PRTFDC1: variants seen among roughly 807,000 people sequenced by gnomAD.
PRTFDC1 encodes the protein phosphoribosyl transferase domain containing 1.
A neutral mutation model predicts 34.6 loss-of-function variants in PRTFDC1; 38 were observed. The observed-to-expected ratio is 1.10, with a 90% CI of 0.85 to 1.44. The LOEUF (loss-of-function observed/expected upper bound fraction) is 1.44. PRTFDC1 is among the 40% of genes most tolerant of loss of function. The probability of loss-of-function intolerance (pLI) is 0.00; values close to 1 mark genes in which losing one functional copy is unlikely to be tolerated. For synonymous variants in PRTFDC1, 93 were observed against 98.1 expected (o/e 0.95, Z 0.31); for missense variants, 270 against 283.0 (o/e 0.95, Z 0.33).
intron 4 of PRTFDC1, among the ~76,000 whole-genome samples, chr10:24,870,013 G>T (rs1256122224): frequency 2.0e-5 from 3 of 152,168 alleles, no homozygotes; most frequent in Non-Finnish European, 2.9e-5. Context: ...CTGACTTCCT[G>T]GTTGGGGAGA....
chr10:24,915,181 T>A (rs1237762467), intron 3 of PRTFDC1, among the ~76,000 whole-genome samples: 1 of 152,188 alleles, frequency 6.6e-6, no homozygotes, highest in Non-Finnish European at 1.5e-5. Context: ...TTCAGTAACT[T>A]GGTATCAAAA....
intron 3 of PRTFDC1, among the ~76,000 whole-genome samples, chr10:24,886,986 C>T (rs188479981): frequency 0.03 from 2,568 of 84,772 alleles, 102 homozygotes; most frequent in African/African-American, 0.1. Flanking sequence ...TTTTTTGAGA[C>T]GGAGTCTCGC....
intron 3 of PRTFDC1, among the ~76,000 whole-genome samples, chr10:24,897,695 A>G (rs1179243921): frequency 6.6e-6 from 1 of 152,254 alleles, no homozygotes; most frequent in East Asian, 1.9e-4. Context: ...GGCCTATAAC[A>G]TCGAGAAACA....
rs778950357 is a variant in PRTFDC1, at chr10:24,937,176, T to C, written c.339+8A>G. The C allele has an allele frequency of 6.2e-7, 1 of 1,600,068 alleles. No individual in the cohort carries two copies. The highest frequency in any genetic ancestry group is 1.7e-5 in the Admixed American group (1 of 58,854). On this transcript the variant is annotated splice_region_variant and intron_variant, in intron 3 of 8. Coordinates refer to ENST00000320152, the MANE Select transcript of PRTFDC1 (RefSeq NM_020200.7). Reference sequence around the variant, plus strand: ...AAATGTCATAAAGCGGAACTTGTAATAACTTACCCTGTAACTTTTTAGTCT... The same window carrying C: ...AAATGTCATAAAGCGGAACTTGTAACAACTTACCCTGTAACTTTTTAGTCT...
Position 24,939,794 on chromosome 10 carries a change from A to C in PRTFDC1, c.156-2427T>G, listed in dbSNP as rs1849122271. ...GGGTGACAGAGTGAGACTCTATCTC[A>C]AAAAAAAAAAAAAAAAAAAAAGAAA... On this transcript the variant is annotated intron_variant, in intron 2 of 8. Transcript: ENST00000320152. Among the ~76,000 whole-genome samples the C allele has an allele frequency of 5.2e-4, 5 of 9,638 alleles. No individual in the cohort carries two copies. The South Asian group carries it at 0.014, about 27-fold the overall frequency. 6.3% of individuals were successfully genotyped at this position (9,638 alleles called of 152,430 possible).
intron 3 of PRTFDC1, among the ~76,000 whole-genome samples, chr10:24,922,441 G>A (rs1848805448): frequency 6.6e-6 from 1 of 152,222 alleles, no homozygotes; most frequent in Non-Finnish European, 1.5e-5. Context: ...TCATGGGAGG[G>A]ACCCTGTGGG....
At chr10:24,937,684 A>G (rs1405062343) in intron 2 of PRTFDC1, among the ~76,000 whole-genome samples, 2 of 151,622 alleles carry the variant, frequency 1.3e-5, no homozygotes, top group African/African-American at 4.8e-5. Context: ...CAGCCTCCCA[A>G]GTAGCTGGGA....
At chr10:24,867,401 C>T (rs1046538562) in intron 4 of PRTFDC1, among the ~76,000 whole-genome samples, 1 of 152,156 alleles carries the variant, frequency 6.6e-6, no homozygotes, top group Admixed American at 6.5e-5. Context: ...GCCATTCTTC[C>T]CTCTTGTCAG....
At chr10:24,871,645 TG>T (rs1242776203) in intron 4 of PRTFDC1, among the ~76,000 whole-genome samples, 20 of 134,054 alleles carry the variant, frequency 1.5e-4, no homozygotes, top group African/African-American at 4.9e-4. Context: ...AGAGGATGGA[TG>T]AAAAAAAAAA....
At chr10:24,866,690 T>C (rs901671991) in intron 4 of PRTFDC1, among the ~76,000 whole-genome samples, 9 of 152,084 alleles carry the variant, frequency 5.9e-5, no homozygotes, top group Non-Finnish European at 1.3e-4. Context: ...CCATTTAACT[T>C]AATCATTGAG....
At chr10:24,879,915 A>G (rs947168071) in intron 3 of PRTFDC1, among the ~76,000 whole-genome samples, 4 of 152,140 alleles carry the variant, frequency 2.6e-5, no homozygotes, top group African/African-American at 9.7e-5. Flanking sequence ...TCATGCTTGC[A>G]ATCTCTGTGG....
intron 3 of PRTFDC1, among the ~76,000 whole-genome samples, chr10:24,877,683 C>G (rs903263864): frequency 6.6e-6 from 1 of 152,100 alleles, no homozygotes; most frequent in Admixed American, 6.5e-5. Flanking sequence ...TGCAGTGGTA[C>G]AATTTCAGCT....
At chr10:24,863,892 G>A (rs183866307) in intron 4 of PRTFDC1, among the ~76,000 whole-genome samples, 165 of 151,766 alleles carry the variant, frequency 1.1e-3, no homozygotes, top group Non-Finnish European at 2.1e-3. Flanking sequence ...CCTGGGCAAC[G>A]TGGCAAAACC....
At chr10:24,868,679 A>G (rs1376931094) in intron 4 of PRTFDC1, among the ~76,000 whole-genome samples, 1 of 152,182 alleles carries the variant, frequency 6.6e-6, no homozygotes, top group African/African-American at 2.4e-5. Flanking sequence ...GCTGGTCTCA[A>G]ACTCCTGGCC....
chr10:24,950,412 G>A (rs1460646335), intron 1 of PRTFDC1, among the ~76,000 whole-genome samples: 2 of 152,080 alleles, frequency 1.3e-5, no homozygotes, highest in African/African-American at 4.8e-5. Context: ...TCAGCATCAT[G>A]TTGGTGCTCA....
rs141139570 is a variant in PRTFDC1, at chr10:24,879,733, G to A, written c.340-7670C>T. Among the ~76,000 whole-genome samples, 114 of 152,290 alleles carry A rather than the reference G, an allele frequency of 7.5e-4. No homozygotes were observed. The East Asian group carries it at 0.021, about 28-fold the overall frequency. Reference sequence around the variant, plus strand: ...AAAGTTTGAAAACTATTAAGTGGGTGCAAAAGTAACTGTCGTTTTTGCCTT... The same window carrying A: ...AAAGTTTGAAAACTATTAAGTGGGTACAAAAGTAACTGTCGTTTTTGCCTT... On this transcript the variant is annotated intron_variant, in intron 3 of 8. Transcript: ENST00000320152.
chr10:24,896,135 T>C (rs889452444), intron 3 of PRTFDC1, among the ~76,000 whole-genome samples: 3 of 152,126 alleles, frequency 2.0e-5, no homozygotes, highest in Non-Finnish European at 2.9e-5. Flanking sequence ...TGTGGATTGG[T>C]ACTGGTCTGT....
At chr10:24,900,983 T>C (rs1848440822) in intron 3 of PRTFDC1, among the ~76,000 whole-genome samples, 1 of 152,236 alleles carries the variant, frequency 6.6e-6, no homozygotes, top group Admixed American at 6.5e-5. Context: ...TGGGTCTGAA[T>C]ATGGAACCTG....
intron 5 of PRTFDC1, among the ~76,000 whole-genome samples, chr10:24,857,593 G>C (rs912667076): frequency 3.3e-5 from 5 of 152,176 alleles, no homozygotes; most frequent in African/African-American, 1.2e-4. Context: ...CTAAGGACAG[G>C]AATCAGCTGT....
Sources: allele counts gnomAD v4.1 joint callset (sites outside exome capture counted in the v4.1 genomes callset), GRCh38; gene constraint gnomAD v4.1.1; transcripts MANE v1.5; gene names NCBI Gene and HGNC (gene_info 2026-07-23, HGNC 2026-07-21).